ANO4: variants seen among roughly 807,000 people sequenced by gnomAD.
ANO4 encodes anoctamin 4, also known as anoctamin-4.
A neutral mutation model predicts 141.9 loss-of-function variants in ANO4; 69 were observed. The ratio of observed to expected loss-of-function variants is 0.49; its 90% CI spans 0.40 to 0.59. The LOEUF (loss-of-function observed/expected upper bound fraction) is 0.59, where lower values mean the gene tolerates loss of function less well. ANO4 is among the 20% of genes least tolerant of loss of function. The probability of loss-of-function intolerance (pLI) is 0.00; values close to 1 mark genes in which losing one functional copy is unlikely to be tolerated. For synonymous variants in ANO4, 350 were observed against 394.3 expected (o/e 0.89, Z 1.33); for missense variants, 894 against 1,162.2 (o/e 0.77, Z 3.36).
chr12:101,070,598 A>C (rs1275756088), intron 14 of ANO4, among the ~76,000 whole-genome samples: 2 of 152,154 alleles, frequency 1.3e-5, no homozygotes, highest in Admixed American at 1.3e-4. Context: ...CCAAGACATG[A>C]GACTGGGCAG....
chr12:100,947,978 T>C (rs1289082837), intron 5 of ANO4, among the ~76,000 whole-genome samples: 1 of 151,652 alleles, frequency 6.6e-6, no homozygotes, highest in Non-Finnish European at 1.5e-5. Context: ...GGTCAGGAGA[T>C]TGAGACCATC....
At chr12:101,039,371 G>A (rs564572058) in intron 10 of ANO4, among the ~76,000 whole-genome samples, 1 of 152,300 alleles carries the variant, frequency 6.6e-6, no homozygotes, top group African/African-American at 2.4e-5. Context: ...CGTGCATGGT[G>A]GCACATGCCT....
intron 1 of ANO4, among the ~76,000 whole-genome samples, chr12:100,860,609 G>C (rs1190146804): frequency 6.6e-6 from 1 of 152,128 alleles, no homozygotes; most frequent in East Asian, 1.9e-4. Context: ...TCCTGTCTAA[G>C]CAGTTTCTCC....
At chr12:100,925,885 C>A in intron 3 of ANO4, among the ~76,000 whole-genome samples, 1 of 150,786 alleles carries the variant, frequency 6.6e-6, no homozygotes, top group African/African-American at 2.4e-5. Context: ...CCTTCAAGAT[C>A]AAGCTAGAAG....
At chr12:100,769,840 T>C (rs1157427587) in intron 3 of ANO4, among the ~76,000 whole-genome samples, 1 of 152,246 alleles carries the variant, frequency 6.6e-6, no homozygotes, top group African/African-American at 2.4e-5. Context: ...GGCAAAATTA[T>C]AATAGTTGGT....
At chr12:101,005,981 G>A (rs2045855500) in intron 8 of ANO4, among the ~76,000 whole-genome samples, 2 of 151,534 alleles carry the variant, frequency 1.3e-5, no homozygotes, top group South Asian at 4.2e-4. Flanking sequence ...ATTTCTCTTG[G>A]TTGTGTATAC....
At chr12:100,957,670 A>G (rs2043225166) in intron 5 of ANO4, among the ~76,000 whole-genome samples, 1 of 152,180 alleles carries the variant, frequency 6.6e-6, no homozygotes, top group African/African-American at 2.4e-5. Flanking sequence ...AGCTCACTGC[A>G]AACTCCACCT....
At chr12:101,123,576 T>C (rs1264405605) in intron 26 of ANO4, among the ~76,000 whole-genome samples, 1 of 151,476 alleles carries the variant, frequency 6.6e-6, no homozygotes, top group Non-Finnish European at 1.5e-5. Flanking sequence ...TGGTATTTGG[T>C]TTTCTGTTCC....
intron 8 of ANO4, among the ~76,000 whole-genome samples, chr12:101,015,128 T>C (rs1347229007): frequency 6.6e-6 from 1 of 151,654 alleles, no homozygotes; most frequent in East Asian, 1.9e-4. Context: ...CAGCCAAAAA[T>C]TGCAGTTTTT....
chr12:100,908,958 G>T (rs1018516199), intron 2 of ANO4, among the ~76,000 whole-genome samples: 3 of 152,122 alleles, frequency 2.0e-5, no homozygotes, highest in Non-Finnish European at 4.4e-5. Flanking sequence ...TTGGGAATTT[G>T]CCCTCCTTGG....
At chr12:100,848,393 T>G (rs2037692225) in intron 1 of ANO4, among the ~76,000 whole-genome samples, 1 of 152,228 alleles carries the variant, frequency 6.6e-6, no homozygotes, top group South Asian at 2.1e-4. Context: ...ATCCTATAGT[T>G]GGTTTACTAT....
chr12:100,851,698 G>A (rs1237393305), intron 1 of ANO4, among the ~76,000 whole-genome samples: 2 of 152,176 alleles, frequency 1.3e-5, no homozygotes, highest in African/African-American at 4.8e-5. Flanking sequence ...ATCAGGTGGT[G>A]GGAAATGCAG....
intron 1 of ANO4, among the ~76,000 whole-genome samples, chr12:100,719,295 A>G (rs541891993): frequency 3.1e-4 from 47 of 152,330 alleles, no homozygotes; most frequent in Admixed American, 9.8e-4. Flanking sequence ...TTAGATCTGT[A>G]GCAGTGTGAG....
At chr12:101,125,353 A>G (rs544217880) in intron 26 of ANO4, among the ~76,000 whole-genome samples, 25 of 152,272 alleles carry the variant, frequency 1.6e-4, no homozygotes, top group Middle Eastern at 3.4e-3. Context: ...TTATCAGCTT[A>G]AGAAGCTTTT....
chr12:101,040,630 G>A (rs1156858103), intron 11 of ANO4, among the ~76,000 whole-genome samples: 3 of 152,102 alleles, frequency 2.0e-5, no homozygotes. Context: ...TATACTTTAA[G>A]TTCTGGGTTA....
At chr12:101,075,884 C>A (rs2049006158) in intron 14 of ANO4, among the ~76,000 whole-genome samples, 1 of 151,896 alleles carries the variant, frequency 6.6e-6, no homozygotes, top group Admixed American at 6.6e-5. Flanking sequence ...GGAGTTTAAA[C>A]CATGGCATAA....
intron 1 of ANO4, among the ~76,000 whole-genome samples, chr12:100,867,912 T>C (rs193164129): frequency 1.3e-5 from 2 of 152,264 alleles, no homozygotes; most frequent in East Asian, 1.9e-4. Context: ...AGTAAACCAA[T>C]GTAGTGTTTT....
chr12:101,050,143 T>G (rs537109591), intron 14 of ANO4, among the ~76,000 whole-genome samples: 29 of 152,084 alleles, frequency 1.9e-4, no homozygotes, highest in African/African-American at 7.0e-4. Flanking sequence ...AGCAAAGAAC[T>G]AGTGGAAAAA....
intron 8 of ANO4, among the ~76,000 whole-genome samples, chr12:100,993,371 C>T (rs1001477581): frequency 2.0e-5 from 3 of 152,094 alleles, no homozygotes; most frequent in Admixed American, 1.3e-4. Context: ...ATGCCAGACA[C>T]TATTTAAGAA....
Sources: gnomAD v4.1 joint callset for allele counts (sites outside exome capture counted in the v4.1 genomes callset) on GRCh38, gnomAD v4.1.1 for gene constraint, MANE v1.5 for transcripts, NCBI Gene and HGNC (gene_info 2026-07-23, HGNC 2026-07-21) for gene names.